CTTN: variants seen among roughly 807,000 people sequenced by gnomAD.
CTTN encodes the protein src substrate cortactin.
Under a neutral mutation model 84.0 loss-of-function variants are expected in CTTN, and 28 were observed. The ratio of observed to expected loss-of-function variants is 0.33; its 90% CI spans 0.25 to 0.46. The LOEUF (loss-of-function observed/expected upper bound fraction) is 0.46. CTTN is among the 20% of genes least tolerant of loss of function. The pLI is 1.00. For missense variants in CTTN, 641 were observed against 723.8 expected (o/e 0.89, Z 1.31); for synonymous variants, 301 against 288.8 (o/e 1.04, Z -0.43).
Position 70,420,389 on chromosome 11 carries a change from T to A in CTTN, c.680-11T>A. 1 of 1,591,986 alleles carries A rather than the reference T, an allele frequency of 6.3e-7. No homozygotes were observed. The highest frequency in any genetic ancestry group is 8.6e-7 in the Non-Finnish European group (1 of 1,159,622). On this transcript the variant is annotated splice_polypyrimidine_tract_variant and intron_variant, in intron 9 of 17. Coordinates refer to ENST00000301843, the MANE Select transcript of CTTN (RefSeq NM_005231.4). The stretch of plus-strand genomic sequence containing the variant: ...TTAATGATGGGTTCTGGCCTTTCAT[T>A]GTGCATGTAGACTATGTGAAAGGGT...
At chr11:70,416,974 C>A in intron 7 of CTTN, 39 bp from the exon 8 acceptor site, 2 of 1,439,324 alleles carry the variant, frequency 1.4e-6, no homozygotes, top group South Asian at 1.1e-5. Context: ...TGTAGTTCGT[C>A]CTCAGGCCCC....
intron 5 of CTTN, among the ~76,000 whole-genome samples, chr11:70,410,840 C>G (rs73516277): frequency 6.6e-6 from 1 of 152,158 alleles, no homozygotes; most frequent in South Asian, 2.1e-4. Context: ...ATACCCCTCT[C>G]CCACCTCATG....
intron 6 of CTTN, among the ~76,000 whole-genome samples, chr11:70,415,409 G>A (rs565012871): frequency 1.3e-5 from 2 of 152,166 alleles, no homozygotes; most frequent in Admixed American, 6.5e-5. Context: ...CCCTGCTGCC[G>A]CATGCTGGGG....
chr11:70,433,235 G>C lies in CTTN; in HGVS notation c.1401G>C (p.Glu467Asp), dbSNP rs541521339. The C allele has an allele frequency of 2.5e-6, 4 of 1,613,178 alleles. No individual in the cohort carries two copies. The African/African-American group carries it at 5.3e-5, about 21-fold the overall frequency. The stretch of plus-strand genomic sequence containing the variant: ...AGCAGGGCCTGGCCTATGCCACAGA[G>C]GCTGTCTATGAAAGCGCAGAGGCCC... ...SSQQGLAYAT[E>D]AVYESAEAPG... is the part of the protein sequence containing the mutation. The change falls in exon 16 of 18, where the codon GAG (glutamate) becomes GAC (aspartate). Residue 467 changes from glutamate (E) to aspartate (D), a missense_variant. This residue lies in a region of CTTN where 289 missense variants were observed against 273.1 expected (regional missense o/e 1.06). Transcript: ENST00000301843.
At chr11:70,431,808 G>A (rs1487552342) in intron 15 of CTTN, among the ~76,000 whole-genome samples, 1 of 152,024 alleles carries the variant, frequency 6.6e-6, no homozygotes. Context: ...GTCCCCCAGT[G>A]TTCCGTCCCC....
intron 11 of CTTN, chr11:70,422,398 C>T (rs955195411): frequency 9.5e-6 from 8 of 843,130 alleles, no homozygotes; most frequent in South Asian, 1.4e-5. Flanking sequence ...AGTGGCTCTC[C>T]GTGGCATCAC....
intron 1 of CTTN, among the ~76,000 whole-genome samples, chr11:70,404,927 G>A (rs774225136): frequency 4.6e-5 from 7 of 152,200 alleles, no homozygotes; most frequent in South Asian, 2.1e-4. Context: ...ACTTGAACCC[G>A]GGAGGTGGAG....
At chr11:70,418,402 T>C (rs1565493560) in intron 8 of CTTN, among the ~76,000 whole-genome samples, 1 of 152,250 alleles carries the variant, frequency 6.6e-6, no homozygotes, top group Non-Finnish European at 1.5e-5. Context: ...TGCATGAGTG[T>C]GTGACTCCAG....
intron 7 of CTTN, 39 bp downstream of exon 7, chr11:70,415,756 G>A (rs767267138): frequency 1.1e-5 from 18 of 1,605,972 alleles, no homozygotes; most frequent in Non-Finnish European, 1.4e-5. Context: ...CGCTCCGGGG[G>A]CCCCGATGGG....
chr11:70,415,642 A>G (rs751167263), intron 6 of CTTN, 21 bp from the exon 7 acceptor site: 9 of 1,608,036 alleles, frequency 5.6e-6, no homozygotes, highest in Middle Eastern at 1.6e-4. Context: ...CCACTTTTTC[A>G]TGTGTTTTTG....
chr11:70,402,311 A>G (rs1305970094), intron 1 of CTTN, among the ~76,000 whole-genome samples: 1 of 152,230 alleles, frequency 6.6e-6, no homozygotes, highest in African/African-American at 2.4e-5. Context: ...ACCGTATTGT[A>G]ACAGCTTTAT....
intron 1 of CTTN, among the ~76,000 whole-genome samples, chr11:70,401,861 TGGG>T (rs2135545670): frequency 6.7e-6 from 1 of 149,058 alleles, no homozygotes; most frequent in South Asian, 2.1e-4. Context: ...AAAAGGCTGG[TGGG>T]GGGCTTTTAG....
chr11:70,428,357 G>T (rs573506760), intron 13 of CTTN, among the ~76,000 whole-genome samples: 48 of 151,900 alleles, frequency 3.2e-4, no homozygotes, highest in Admixed American at 5.2e-4. Flanking sequence ...GTAGAGACAG[G>T]GTTTCACCAT....
chr11:70,425,405 A>G lies in CTTN; in HGVS notation c.1027+4A>G, dbSNP rs755941336. ...AAGACAGTACCTGTCGAAGCTGGTGAGTCCCGGCTGATACCAGGAGCACCG... is the reference window on the plus strand; with the variant it reads ...AAGACAGTACCTGTCGAAGCTGGTGGGTCCCGGCTGATACCAGGAGCACCG... On this transcript the variant is annotated splice_donor_region_variant and intron_variant, in intron 13 of 17. Transcript: ENST00000301843. The G allele has an allele frequency of 3.1e-6, 5 of 1,608,270 alleles. No homozygotes were observed. The highest frequency in any genetic ancestry group is 4.2e-6 in the Non-Finnish European group (5 of 1,176,516).
At chr11:70,410,973 C>T (rs916726732) in intron 5 of CTTN, among the ~76,000 whole-genome samples, 7 of 152,152 alleles carry the variant, frequency 4.6e-5, no homozygotes, top group African/African-American at 2.4e-5. Flanking sequence ...CCCCAAACCA[C>T]GACCATAAAT....
At position 70,407,719 on chromosome 11, in the gene CTTN, C is replaced by G; in HGVS notation, c.161+128C>G. 3 of 719,510 alleles carry G rather than the reference C, an allele frequency of 4.2e-6. No individual in the cohort carries two copies. The South Asian group carries it at 5.2e-5, about 12-fold the overall frequency. The allele number at this position is 719,510 out of a possible 1,614,324, so 44.6% of individuals were successfully genotyped here. ...CTGCATTTATCTTCTTGACCTGATA[C>G]CCATGCAGTAAATGAATATAAGACA... On this transcript the variant is annotated intron_variant, in intron 4 of 17. Coordinates refer to ENST00000301843, the MANE Select transcript of CTTN (RefSeq NM_005231.4).
chr11:70,420,052 C>A, intron 9 of CTTN, 196 bp downstream of exon 9: 1 of 609,364 alleles, frequency 1.6e-6, no homozygotes, highest in Non-Finnish European at 2.9e-6. Context: ...AGTGTTATGG[C>A]GCTCCAGCCC....
At chr11:70,419,328 T>A (rs1263986004) in intron 8 of CTTN, among the ~76,000 whole-genome samples, 4 of 152,124 alleles carry the variant, frequency 2.6e-5, no homozygotes, top group African/African-American at 9.7e-5. Flanking sequence ...CAGGCTGGAC[T>A]TAAACCCCTG....
rs1448392392 is a variant in CTTN at position 70,435,708 on chromosome 11, T to C, written c.*546T>C. 17 of 1,597,836 alleles carry C rather than the reference T, an allele frequency of 1.1e-5. No individual in the cohort carries two copies. The highest frequency in any genetic ancestry group is 1.4e-5 in the Non-Finnish European group (16 of 1,179,662). ...AGGAGCTGCCATGTCAGATGGGAAATCTGCCTATGTCATACCGTGACAGCC... is the reference window on the plus strand; with the variant it reads ...AGGAGCTGCCATGTCAGATGGGAAACCTGCCTATGTCATACCGTGACAGCC... On this transcript the variant is annotated 3_prime_UTR_variant, in exon 18 of 18. Transcript: ENST00000301843.
Sources: gnomAD v4.1 joint callset for allele counts (sites outside exome capture counted in the v4.1 genomes callset) on GRCh38, gnomAD v4.1.1 for gene constraint, gnomAD v4.1.1 regional missense constraint, MANE v1.5 for transcripts, NCBI Gene and HGNC (gene_info 2026-07-23, HGNC 2026-07-21) for gene names.